Variants in DHRS1 observed in about 807,000 individuals in gnomAD.
DHRS1 encodes the protein dehydrogenase/reductase SDR family member 1.
Under a neutral mutation model 35.2 loss-of-function variants are expected in DHRS1, and 34 were observed. That is an observed-to-expected ratio of 0.97 (90% CI 0.74 to 1.29). The LOEUF (loss-of-function observed/expected upper bound fraction) is 1.29. Among genes scored for constraint, DHRS1 ranks in the 50% most tolerant of loss-of-function variants. The pLI is 0.00. For synonymous variants in DHRS1, 133 were observed against 160.0 expected, an observed-to-expected ratio of 0.83 and a Z score of 1.27; for missense variants, 354 against 403.6, an observed-to-expected ratio of 0.88 and a Z score of 1.05.
chr14:24,290,838 C>A lies in DHRS1; in HGVS notation c.*21G>T. The A allele has an allele frequency of 6.2e-7, 1 of 1,613,102 alleles. No individual in the cohort carries two copies. Among genetic ancestry groups the A allele is most frequent in the Non-Finnish European group, 8.5e-7 (1 of 1,179,726 alleles). The stretch of plus-strand genomic sequence containing the variant: ...GTCCAAATGAGAAGACAAGCAGAGA[C>A]GTAGTGTCAGACCAGGAGGGTTAGA... On this transcript the variant is annotated 3_prime_UTR_variant, in exon 9 of 9. Transcript: ENST00000288111.
chr14:24,298,905 A>G, intron 2 of DHRS1, 52 bp downstream of exon 2: 1 of 1,552,614 alleles, frequency 6.4e-7, no homozygotes, highest in South Asian at 1.2e-5. Context: ...TGTTAAGTGG[A>G]AGGGCTCTCT....
rs374418159 is a variant in DHRS1 at position 24,299,011 on chromosome 14, G to A, written c.96C>T (p.Ala32=). The A allele has an allele frequency of 7.2e-5, 117 of 1,613,874 alleles. No individual in the cohort carries two copies. The highest frequency in any genetic ancestry group is 9.8e-5 in the Non-Finnish European group (116 of 1,179,878). The change falls in exon 2 of 9, where the codon GCC becomes GCT. Residue 32 remains alanine (A), a synonymous_variant. Transcript: ENST00000288111. ...GATGGCGGCCAGTGATGTAAACTGT[G>A]GCGCCTGCTTTGCAGAGCTGCAAGG... The part of the protein sequence containing the change: ...GIALQLCKAG[A]TVYITGRHLD...
At chr14:24,298,733 C>G in intron 2 of DHRS1, 2 of 522,800 alleles carry the variant, frequency 3.8e-6, no homozygotes, top group Non-Finnish European at 6.6e-6. Context: ...GAACGTGCCA[C>G]CATGCCTGGC....
chr14:24,291,143 C>T lies in DHRS1; in HGVS notation c.801G>A (p.Val267=), dbSNP rs1566400148. 2 of 1,614,120 alleles carry T rather than the reference C, an allele frequency of 1.2e-6. No homozygotes were observed. Among genetic ancestry groups the T allele is most frequent in the Non-Finnish European group, 1.7e-6 (2 of 1,180,014 alleles). ...CTGCTGTGCCAGGGTCCTCACCGTC[C>T]ACATCCCGAAGGCCATAGCGTCGAG... ...DLARRYGLRD[V]DGRPVQDYLS... is the part of the protein sequence containing the mutation. Residue 267 remains valine, a synonymous_variant, in exon 8 of 9, where the codon GTG becomes GTA. Coordinates refer to ENST00000288111, the MANE Select transcript of DHRS1 (RefSeq NM_001136050.3).
rs1315630840 is a variant in DHRS1, at chr14:24,291,748, G to A, written c.655-123C>T. On this transcript the variant is annotated intron_variant, in intron 6 of 8. Coordinates refer to ENST00000288111, the MANE Select transcript of DHRS1 (RefSeq NM_001136050.3). ...AGACCAAAGAGGCCAAAGACCTCAA[G>A]CAGGGCCTGTAGGACCCAAAGTATT... 5 of 1,045,938 alleles carry A rather than the reference G, an allele frequency of 4.8e-6. No homozygotes were observed. The Admixed American group carries it at 8.9e-5, about 19-fold the overall frequency. The allele number at this position is 1,045,938 out of a possible 1,614,324, so 64.8% of individuals were successfully genotyped here.
Position 24,299,756 on chromosome 14 carries a change from C to A in DHRS1, c.-200G>T. 1 of 607,072 alleles carries A rather than the reference C, an allele frequency of 1.6e-6. No homozygotes were observed. The highest frequency in any genetic ancestry group is 2.7e-6 in the Non-Finnish European group (1 of 365,122). 37.6% of individuals were successfully genotyped at this position (607,072 alleles called of 1,614,324 possible). On this transcript the variant is annotated 5_prime_UTR_variant, in exon 1 of 9. Transcript: ENST00000288111. ...GCAGAGTCCCAGGCCAAAGTTAGAA[C>A]CTGCGGATGGGGGCGGAGCGATCTG...
chr14:24,291,634 CA>C lies in DHRS1; in HGVS notation c.655-10del, dbSNP rs2041159912. ...GAGAAGGCTGATTTGAACTGAAACACAGGGGCAGAGAAGTGAAGGGTTAATT... is the reference window on the plus strand; with the variant it reads ...GAGAAGGCTGATTTGAACTGAAACACGGGGCAGAGAAGTGAAGGGTTAATT... On this transcript the variant is annotated splice_polypyrimidine_tract_variant and intron_variant, in intron 6 of 8. Coordinates refer to ENST00000288111, the MANE Select transcript of DHRS1 (RefSeq NM_001136050.3). The C allele has an allele frequency of 7.4e-6, 12 of 1,613,888 alleles. No individual in the cohort carries two copies. Among genetic ancestry groups the C allele is most frequent in the Non-Finnish European group, 9.3e-6 (11 of 1,179,850 alleles).
Position 24,291,224 on chromosome 14 carries a change from G to A in DHRS1, c.725-5C>T, listed in dbSNP as rs370794166. ...TCAGGCTCAGGATATTGGGATCTGC[G>A]GGCACACAGACAGGTGGAGATGGCA... On this transcript the variant is annotated splice_region_variant and splice_polypyrimidine_tract_variant and intron_variant, in intron 7 of 8. Coordinates refer to ENST00000288111, the MANE Select transcript of DHRS1 (RefSeq NM_001136050.3). 28 of 1,613,938 alleles carry A rather than the reference G, an allele frequency of 1.7e-5. No homozygotes were observed. The African/African-American group carries it at 2.1e-4, about 12-fold the overall frequency.
intron 2 of DHRS1, among the ~76,000 whole-genome samples, chr14:24,297,638 C>A (rs2041274908): frequency 6.6e-6 from 1 of 152,230 alleles, no homozygotes; most frequent in Non-Finnish European, 1.5e-5. Context: ...AATCTCCTAA[C>A]TGGATCTCCA....
chr14:24,291,981 A>T, intron 6 of DHRS1: 1 of 689,108 alleles, frequency 1.5e-6, no homozygotes, highest in Admixed American at 2.9e-5. Context: ...CAAGTTTCTA[A>T]ACCTCTCTGG....
chr14:24,298,993 G>A lies in DHRS1; in HGVS notation c.114C>T (p.Gly38=). The change falls in exon 2 of 9, where the codon GGC becomes GGT. Residue 38 remains glycine (G), a synonymous_variant. Transcript: ENST00000288111. The part of the protein sequence containing the change: ...CKAGATVYIT[G]RHLDTLRVVA... ...CAACGCGAAGGGTGTCCAGATGGCG[G>A]CCAGTGATGTAAACTGTGGCGCCTG... 6.2e-7 allele frequency: 1 copy of A among 1,613,272 alleles called. No homozygotes were observed. Among genetic ancestry groups the A allele is most frequent in the East Asian group, 2.2e-5 (1 of 44,860 alleles).
At chr14:24,292,811 A>C (rs751881405) in intron 4 of DHRS1, 27 bp from the exon 5 acceptor site, 1 of 1,605,234 alleles carries the variant, frequency 6.2e-7, no homozygotes, top group South Asian at 1.1e-5. Flanking sequence ...GGGAAGAAGG[A>C]ATGAACCGTG....
chr14:24,291,148 C>T lies in DHRS1; in HGVS notation c.796G>A (p.Asp266Asn). Residue 266 changes from aspartate to asparagine, a missense_variant, in exon 8 of 9, where the codon GAT becomes AAT. Transcript: ENST00000288111. ...CDLARRYGLRDVDGRPVQDYL... is the reference protein window; with the variant it reads ...CDLARRYGLRNVDGRPVQDYL... ...GTGCCAGGGTCCTCACCGTCCACAT[C>T]CCGAAGGCCATAGCGTCGAGCAAGG... 1 of 1,614,150 alleles carries T rather than the reference C, an allele frequency of 6.2e-7. No individual in the cohort carries two copies. The highest frequency in any genetic ancestry group is 8.5e-7 in the Non-Finnish European group (1 of 1,180,030).
intron 2 of DHRS1, among the ~76,000 whole-genome samples, chr14:24,297,434 GGAA>G (rs772641375): frequency 6.6e-5 from 10 of 152,168 alleles, no homozygotes; most frequent in South Asian, 2.1e-4. Flanking sequence ...CAACTTCAGA[GGAA>G]GAAGAGTCCT....
At chr14:24,296,931 C>CA (rs770959458) in intron 2 of DHRS1, 50 bp from the exon 3 acceptor site, 1 of 1,609,140 alleles carries the variant, frequency 6.2e-7, no homozygotes, top group African/African-American at 1.3e-5. Flanking sequence ...GGGTGTGAGT[C>CA]ATGACAAAAC....
chr14:24,292,913 C>T lies in DHRS1; in HGVS notation c.375-129G>A, dbSNP rs192631891. On this transcript the variant is annotated intron_variant, in intron 4 of 8. Coordinates refer to ENST00000288111, the MANE Select transcript of DHRS1 (RefSeq NM_001136050.3). Reference sequence around the variant, plus strand: ...AGGAAGGCTACACAGGGTGGGTTAGCGACCTGAGGAATTAGGGGCTTGAGG... The same window carrying T: ...AGGAAGGCTACACAGGGTGGGTTAGTGACCTGAGGAATTAGGGGCTTGAGG... The T allele has an allele frequency of 1.8e-4, 215 of 1,217,504 alleles. No homozygotes were observed. In the East Asian group the frequency reaches 4.2e-3, roughly 24 times the overall value. The allele number at this position is 1,217,504 out of a possible 1,614,324, so 75.4% of individuals were successfully genotyped here.
chr14:24,291,866 A>G lies in DHRS1; in HGVS notation c.655-241T>C. The G allele has an allele frequency of 4.9e-6, 3 of 607,952 alleles. No individual in the cohort carries two copies. The South Asian group carries it at 5.9e-5, about 12-fold the overall frequency. The allele number at this position is 607,952 out of a possible 1,614,324, so 37.7% of individuals were successfully genotyped here. A position where few individuals can be genotyped will look rare whatever the true frequency, so the allele number is the denominator to read the frequency against. The stretch of plus-strand genomic sequence containing the variant: ...TCTTTGCTAAGTGGAAGGATCTGGT[A>G]GTGCCAAATAGTGTTTGGACCTTCT... On this transcript the variant is annotated intron_variant, in intron 6 of 8. Transcript: ENST00000288111.
chr14:24,297,964 C>G (rs1034820500), intron 2 of DHRS1, among the ~76,000 whole-genome samples: 13 of 152,196 alleles, frequency 8.5e-5, no homozygotes, highest in Middle Eastern at 3.2e-3. Flanking sequence ...GCATATCTCC[C>G]TCTTATAATT....
chr14:24,296,581 A>G lies in DHRS1; in HGVS notation c.302T>C (p.Leu101Pro), dbSNP rs2139100288. 1 of 1,614,142 alleles carries G rather than the reference A, an allele frequency of 6.2e-7. No individual in the cohort carries two copies. ...NNAYAGVQTILNTRNKAFWET... is the reference protein window; with the variant it reads ...NNAYAGVQTIPNTRNKAFWET... ...CCAGAATGCCTTATTCCTGGTGTTC[A>G]GGATCGTCTGGAAGGCACAGGGAGG... is the stretch of plus-strand genomic sequence containing the variant. The change falls in exon 4 of 9, where the codon CTG (leucine) becomes CCG (proline). Residue 101 changes from leucine (L) to proline (P), a missense_variant. Coordinates refer to ENST00000288111, the MANE Select transcript of DHRS1 (RefSeq NM_001136050.3).
Sources: gnomAD v4.1 joint callset for allele counts (sites outside exome capture counted in the v4.1 genomes callset) on GRCh38, gnomAD v4.1.1 for gene constraint, MANE v1.5 for transcripts, NCBI Gene and HGNC (gene_info 2026-07-23, HGNC 2026-07-21) for gene names.